Variants in BAIAP2 observed in about 807,000 individuals in gnomAD.
The protein encoded by BAIAP2 is BAR/IMD domain-containing adapter protein 2.
BAIAP2 carries 18 observed loss-of-function variants against 63.0 expected under a neutral mutation model. That is an observed-to-expected ratio of 0.29 (90% CI 0.20 to 0.42). The LOEUF (loss-of-function observed/expected upper bound fraction) is 0.42, where lower values mean the gene tolerates loss of function less well. BAIAP2 is among the 10% of genes least tolerant of loss of function. The pLI is 1.00. For synonymous variants in BAIAP2, 386 were observed against 307.6 expected (o/e 1.25, Z -2.67); for missense variants, 610 against 734.3 (o/e 0.83, Z 1.96).
chr17:81,099,417 C>T (rs796280141), intron 6 of BAIAP2, among the ~76,000 whole-genome samples: 3 of 150,046 alleles, frequency 2.0e-5, no homozygotes, highest in African/African-American at 4.8e-5. Context: ...AGCTCTCCTG[C>T]CTTTCGTGCT....
chr17:81,056,208 C>G (rs1380899861), intron 2 of BAIAP2, among the ~76,000 whole-genome samples: 1 of 152,204 alleles, frequency 6.6e-6, no homozygotes, highest in Non-Finnish European at 1.5e-5. Context: ...GATCTCTAGG[C>G]ACAGCACACG....
chr17:81,104,813 G>A, intron 10 of BAIAP2, 98 bp downstream of exon 10: 1 of 1,306,464 alleles, frequency 7.7e-7, no homozygotes, highest in Non-Finnish European at 1.0e-6. Context: ...TGTTTAGAGT[G>A]GCTGTGCAGG....
Position 81,057,690 on chromosome 17 carries a change from G to T in BAIAP2, c.131-191G>T, listed in dbSNP as rs1448889864. 4 of 1,382,484 alleles carry T rather than the reference G, an allele frequency of 2.9e-6. No homozygotes were observed. In the African/African-American group the frequency reaches 4.4e-5, roughly 15 times the overall value. 85.6% of individuals were successfully genotyped at this position (1,382,484 alleles called of 1,614,324 possible). ...CGAGTCAAGGGAGCTCTCATGATTGGGGTGAAACAAGAATATCAACAAGAG... is the reference window on the plus strand; with the variant it reads ...CGAGTCAAGGGAGCTCTCATGATTGTGGTGAAACAAGAATATCAACAAGAG... On this transcript the variant is annotated intron_variant, in intron 2 of 13. Coordinates refer to ENST00000428708, the MANE Select transcript of BAIAP2 (RefSeq NM_001144888.2).
rs568995914 is a variant in BAIAP2, at chr17:81,086,044, C to G, written c.351+319C>G. Reference sequence around the variant, plus strand: ...CTCCTTCTCTGGCCTCTGCAGTTCCCTGGGCTCTCGGCCCGTCCTGCCCCA... The same window carrying G: ...CTCCTTCTCTGGCCTCTGCAGTTCCGTGGGCTCTCGGCCCGTCCTGCCCCA... On this transcript the variant is annotated intron_variant, in intron 5 of 13. Transcript: ENST00000428708. Among the ~76,000 whole-genome samples the G allele has an allele frequency of 2.4e-3, 362 of 151,804 alleles. 4 individuals carry two copies. The highest frequency in any genetic ancestry group is 2.5e-3 in the Non-Finnish European group (167 of 67,872).
At chr17:81,076,931 A>C (rs943386402) in intron 3 of BAIAP2, among the ~76,000 whole-genome samples, 14 of 152,194 alleles carry the variant, frequency 9.2e-5, no homozygotes, top group African/African-American at 3.4e-4. Flanking sequence ...TGATTGTGGC[A>C]CTTCACTCCA....
Position 81,110,993 on chromosome 17 carries a change from C to T in BAIAP2, c.1535+2484C>T, listed in dbSNP as rs375763781. On this transcript the variant is annotated intron_variant, in intron 13 of 13. Coordinates refer to ENST00000428708, the MANE Select transcript of BAIAP2 (RefSeq NM_001144888.2). ...CCTGGCGTTCTCGTGCAGTCACTGG[C>T]CTCTCCAGTGGTTCTCCACGGGCCC... 2.5e-5 allele frequency: 41 copies of T among 1,612,628 alleles called. 1 individual carries two copies. Among genetic ancestry groups the T allele is most frequent in the African/African-American group, 1.5e-4 (11 of 74,924 alleles).
intron 7 of BAIAP2, among the ~76,000 whole-genome samples, chr17:81,100,619 C>T (rs1568170269): frequency 6.6e-6 from 1 of 152,156 alleles, no homozygotes; most frequent in Admixed American, 6.5e-5. Flanking sequence ...GCCACTGGGC[C>T]CCTAGGCCAC....
chr17:81,040,856 A>G (rs1212541122), intron 1 of BAIAP2, among the ~76,000 whole-genome samples: 1 of 152,166 alleles, frequency 6.6e-6, no homozygotes, highest in Non-Finnish European at 1.5e-5. Flanking sequence ...ACTGTGGCCC[A>G]GGGGCTCTTG....
At chr17:81,115,281 G>A (rs755900869) in intron 13 of BAIAP2, among the ~76,000 whole-genome samples, 3 of 152,230 alleles carry the variant, frequency 2.0e-5, no homozygotes, top group East Asian at 3.8e-4. Flanking sequence ...GGAGCCGTGA[G>A]CCTAACCTGC....
chr17:81,078,408 G>C (rs1314664770), intron 3 of BAIAP2, among the ~76,000 whole-genome samples: 1 of 143,554 alleles, frequency 7.0e-6, no homozygotes, highest in Non-Finnish European at 1.5e-5. Context: ...TGGGAGCCGG[G>C]CGCTGTGGGT....
At chr17:81,107,146 G>A in intron 12 of BAIAP2, 1 of 527,638 alleles carries the variant, frequency 1.9e-6, no homozygotes, top group East Asian at 3.4e-5. Context: ...GGGTCAGCCT[G>A]TCCCTCATGG....
chr17:81,038,414 G>T (rs2046598478), intron 1 of BAIAP2, among the ~76,000 whole-genome samples: 1 of 152,230 alleles, frequency 6.6e-6, no homozygotes, highest in Non-Finnish European at 1.5e-5. Context: ...CCTTCTCTGG[G>T]CATAGTGCCA....
At chr17:81,092,682 G>A (rs553978546) in intron 6 of BAIAP2, among the ~76,000 whole-genome samples, 47 of 152,354 alleles carry the variant, frequency 3.1e-4, no homozygotes, top group African/African-American at 8.4e-4. Flanking sequence ...TAAGGGGCCC[G>A]GCCCGGAGCA....
chr17:81,050,894 G>A (rs932757509), intron 1 of BAIAP2, among the ~76,000 whole-genome samples: 2 of 151,024 alleles, frequency 1.3e-5, no homozygotes, highest in South Asian at 2.1e-4. Flanking sequence ...CACAAGAAAC[G>A]CGCATCCGGC....
intron 6 of BAIAP2, chr17:81,098,297 G>T: frequency 1.1e-6 from 1 of 875,198 alleles, no homozygotes; most frequent in Non-Finnish European, 1.5e-6. Flanking sequence ...GCCGCCCTCA[G>T]CTTCTTCGCC....
At chr17:81,048,532 C>T (rs1297769193) in intron 1 of BAIAP2, among the ~76,000 whole-genome samples, 2 of 152,092 alleles carry the variant, frequency 1.3e-5, no homozygotes, top group Admixed American at 6.5e-5. Context: ...GGGGGTTTTG[C>T]TGCTGCCTTG....
At chr17:81,036,350 T>G (rs1473120415) in intron 1 of BAIAP2, among the ~76,000 whole-genome samples, 1 of 152,148 alleles carries the variant, frequency 6.6e-6, no homozygotes, top group Non-Finnish European at 1.5e-5. Context: ...GGAGTGGGTA[T>G]TTACCCGGCA....
chr17:81,102,058 A>G (rs2058563940), intron 7 of BAIAP2, among the ~76,000 whole-genome samples: 1 of 150,982 alleles, frequency 6.6e-6, no homozygotes, highest in Admixed American at 6.6e-5. Flanking sequence ...GTCTCCCAGG[A>G]GGGGTTGCGG....
At chr17:81,078,857 T>C (rs2054143118) in intron 3 of BAIAP2, among the ~76,000 whole-genome samples, 1 of 152,052 alleles carries the variant, frequency 6.6e-6, no homozygotes, top group African/African-American at 2.4e-5. Context: ...TTTGGGGTGT[T>C]TGACCTCCAG....
Sources: gnomAD v4.1 joint callset for allele counts (sites outside exome capture counted in the v4.1 genomes callset) on GRCh38, gnomAD v4.1.1 for gene constraint, MANE v1.5 for transcripts, NCBI Gene and HGNC (gene_info 2026-07-23, HGNC 2026-07-21) for gene names.